LRFN2: variants seen among roughly 807,000 people sequenced by gnomAD.
LRFN2 encodes the protein leucine-rich repeat and fibronectin type-III domain-containing protein 2.
LRFN2 carries 18 observed loss-of-function variants against 37.3 expected under a neutral mutation model. The observed-to-expected ratio is 0.48, with a 90% confidence interval of 0.33 to 0.72. The LOEUF is 0.72. Among genes scored for constraint, LRFN2 ranks in the 30% least tolerant of loss-of-function variants. The pLI, the probability that LRFN2 is intolerant of heterozygous loss-of-function variation, is 0.02. For synonymous variants in LRFN2, 556 were observed against 466.6 expected (o/e 1.19, Z -2.47); for missense variants, 1,006 against 1,060.7 (o/e 0.95, Z 0.72).
chr6:40,459,901 G>T (rs1457469515), intron 1 of LRFN2, among the ~76,000 whole-genome samples: 1 of 152,178 alleles, frequency 6.6e-6, no homozygotes, highest in Non-Finnish European at 1.5e-5. Context: ...GCACCAAGAG[G>T]TGAAGTCACT....
At chr6:40,473,926 C>G (rs1055621290) in intron 1 of LRFN2, among the ~76,000 whole-genome samples, 1 of 152,206 alleles carries the variant, frequency 6.6e-6, no homozygotes, top group Non-Finnish European at 1.5e-5. Context: ...ACCCACCATG[C>G]CCTTAACCAC....
At chr6:40,513,301 T>C (rs1765768291) in intron 1 of LRFN2, among the ~76,000 whole-genome samples, 1 of 152,072 alleles carries the variant, frequency 6.6e-6, no homozygotes, top group Non-Finnish European at 1.5e-5. Context: ...TGGTGAGATC[T>C]TGGCTCACTA....
At chr6:40,497,116 C>G (rs934275641) in intron 1 of LRFN2, among the ~76,000 whole-genome samples, 1 of 152,168 alleles carries the variant, frequency 6.6e-6, no homozygotes, top group Admixed American at 6.5e-5. Flanking sequence ...TATAGCATCC[C>G]AAAGTGACGC....
chr6:40,567,633 C>T (rs550938481), intron 1 of LRFN2, among the ~76,000 whole-genome samples: 34 of 152,266 alleles, frequency 2.2e-4, no homozygotes, highest in Non-Finnish European at 1.3e-4. Context: ...GAGGTGGAAC[C>T]CATGAGAGGG....
chr6:40,428,774 A>G (rs923011131), intron 2 of LRFN2, among the ~76,000 whole-genome samples: 1 of 152,210 alleles, frequency 6.6e-6, no homozygotes, highest in Non-Finnish European at 1.5e-5. Context: ...CCTGGCAGTA[A>G]TGTTTGTCAG....
chr6:40,539,600 A>G (rs545809159), intron 1 of LRFN2, among the ~76,000 whole-genome samples: 1 of 152,320 alleles, frequency 6.6e-6, no homozygotes, highest in South Asian at 2.1e-4. Context: ...CTGTCATTCA[A>G]GTTTCAAGGT....
chr6:40,449,825 G>A (rs985712251), intron 1 of LRFN2, among the ~76,000 whole-genome samples: 7 of 152,038 alleles, frequency 4.6e-5, no homozygotes, highest in African/African-American at 1.7e-4. Context: ...ATTGACATTG[G>A]TACAATGCTG....
chr6:40,570,626 G>A (rs1767170297), intron 1 of LRFN2, among the ~76,000 whole-genome samples: 1 of 152,180 alleles, frequency 6.6e-6, no homozygotes, highest in Non-Finnish European at 1.5e-5. Context: ...AGGAACACAT[G>A]GGGCCGGGGG....
At chr6:40,396,140 G>A (rs558712331) in intron 2 of LRFN2, among the ~76,000 whole-genome samples, 1 of 152,184 alleles carries the variant, frequency 6.6e-6, no homozygotes, top group Non-Finnish European at 1.5e-5. Flanking sequence ...ACTATTGTGA[G>A]ATATTTAAGG....
At chr6:40,443,929 T>C (rs1002697963) in intron 1 of LRFN2, among the ~76,000 whole-genome samples, 2 of 152,154 alleles carry the variant, frequency 1.3e-5, no homozygotes, top group Non-Finnish European at 2.9e-5. Context: ...CAGGAGGATG[T>C]AGCCCTAAGT....
chr6:40,507,875 T>C (rs80208619), intron 1 of LRFN2, among the ~76,000 whole-genome samples: 3 of 152,320 alleles, frequency 2.0e-5, no homozygotes, highest in Non-Finnish European at 2.9e-5. Context: ...ATGATTCTTA[T>C]GCTATGATGA....
At chr6:40,446,360 A>G (rs980453010) in intron 1 of LRFN2, among the ~76,000 whole-genome samples, 1 of 152,236 alleles carries the variant, frequency 6.6e-6, no homozygotes, top group Non-Finnish European at 1.5e-5. Context: ...CACGAAGGCC[A>G]TAATGCAGCC....
At position 40,477,411 on chromosome 6, in the gene LRFN2, C is replaced by T. The variant is rs745579507; in HGVS notation, c.-18-44280G>A. On this transcript the variant is annotated intron_variant, in intron 1 of 2. Coordinates refer to ENST00000338305, the MANE Select transcript of LRFN2 (RefSeq NM_020737.3). Reference sequence around the variant, plus strand: ...TGCCTGCTTTCAACAAGGTTATCTACGTTGTCTGTGGTCCCATGAGAAAAC... The same window carrying T: ...TGCCTGCTTTCAACAAGGTTATCTATGTTGTCTGTGGTCCCATGAGAAAAC... 3.3e-5 allele frequency among the ~76,000 whole-genome samples: 5 copies of T among 152,180 alleles called. 1 individual carries two copies. In the East Asian group the frequency reaches 9.6e-4, roughly 29 times the overall value.
At chr6:40,441,722 C>G (rs539987019) in intron 1 of LRFN2, among the ~76,000 whole-genome samples, 5 of 152,272 alleles carry the variant, frequency 3.3e-5, no homozygotes, top group African/African-American at 1.2e-4. Context: ...AGCCTCCACT[C>G]CAGCCTACAG....
chr6:40,436,003 A>T (rs2113829651), intron 1 of LRFN2, among the ~76,000 whole-genome samples: 1 of 152,340 alleles, frequency 6.6e-6, no homozygotes, highest in South Asian at 2.1e-4. Flanking sequence ...TGTGAGCCAA[A>T]AATGTGACTT....
intron 2 of LRFN2, among the ~76,000 whole-genome samples, chr6:40,421,869 C>A (rs1763236201): frequency 6.6e-6 from 1 of 152,200 alleles, no homozygotes; most frequent in Non-Finnish European, 1.5e-5. Flanking sequence ...ACTAGAAGCA[C>A]TTCACACTTT....
intron 2 of LRFN2, among the ~76,000 whole-genome samples, chr6:40,422,492 G>C (rs1187133741): frequency 6.6e-6 from 1 of 151,478 alleles, no homozygotes; most frequent in Non-Finnish European, 1.5e-5. Context: ...AACACAGTCA[G>C]GGTTGGGAAA....
At chr6:40,500,892 A>T (rs1765365902) in intron 1 of LRFN2, among the ~76,000 whole-genome samples, 1 of 152,086 alleles carries the variant, frequency 6.6e-6, no homozygotes, top group Non-Finnish European at 1.5e-5. Context: ...GTTATCCTTG[A>T]AGATGTGAAT....
intron 1 of LRFN2, among the ~76,000 whole-genome samples, chr6:40,480,025 G>A (rs560785311): frequency 9.6e-4 from 146 of 152,130 alleles, no homozygotes; most frequent in Non-Finnish European, 1.9e-3. Context: ...GTCTTTATAC[G>A]AAATCCTCAT....
Sources: gnomAD v4.1 joint callset for allele counts (sites outside exome capture counted in the v4.1 genomes callset) on GRCh38, gnomAD v4.1.1 for gene constraint, MANE v1.5 for transcripts, NCBI Gene and HGNC (gene_info 2026-07-23, HGNC 2026-07-21) for gene names.